SPSB4: variants seen among roughly 807,000 people sequenced by gnomAD.
The protein encoded by SPSB4 is splA/ryanodine receptor domain and SOCS box containing 4.
Under a neutral mutation model 20.9 loss-of-function variants are expected in SPSB4, and 21 were observed. The observed-to-expected ratio is 1.01, with a 90% CI of 0.71 to 1.45. The LOEUF is 1.45. SPSB4 is among the 40% of genes most tolerant of loss of function. SPSB4 has a pLI of 0.00. For missense variants in SPSB4, 399 were observed against 399.2 expected (o/e 1.00, Z 0.00); for synonymous variants, 207 against 183.8 (o/e 1.13, Z -1.02).
chr3:141,138,815 A>G (rs1409774124), intron 2 of SPSB4, among the ~76,000 whole-genome samples: 1 of 152,150 alleles, frequency 6.6e-6, no homozygotes, highest in Non-Finnish European at 1.5e-5. Flanking sequence ...TATTCTGTTG[A>G]TTTGGGGTGG....
chr3:141,084,726 C>G (rs1938309749), intron 2 of SPSB4, among the ~76,000 whole-genome samples: 1 of 152,224 alleles, frequency 6.6e-6, no homozygotes, highest in African/African-American at 2.4e-5. Flanking sequence ...GTGCTGCTAT[C>G]TCTCCCTCCT....
intron 2 of SPSB4, among the ~76,000 whole-genome samples, chr3:141,075,698 G>T (rs550327956): frequency 6.6e-6 from 1 of 151,722 alleles, no homozygotes; most frequent in Non-Finnish European, 1.5e-5. Flanking sequence ...TTATCCCCAC[G>T]CCCCACCATC....
At chr3:141,131,607 T>C (rs1471046040) in intron 2 of SPSB4, among the ~76,000 whole-genome samples, 1 of 152,208 alleles carries the variant, frequency 6.6e-6, no homozygotes, top group Non-Finnish European at 1.5e-5. Flanking sequence ...AATGTACTTT[T>C]TCTCACTCAA....
intron 1 of SPSB4, among the ~76,000 whole-genome samples, chr3:141,057,791 T>G (rs1330206941): frequency 6.6e-6 from 1 of 152,234 alleles, no homozygotes; most frequent in Non-Finnish European, 1.5e-5. Context: ...AGATCAACTG[T>G]GTACTTTTAC....
At chr3:141,054,295 C>T (rs556985930) in intron 1 of SPSB4, among the ~76,000 whole-genome samples, 6 of 152,134 alleles carry the variant, frequency 3.9e-5, no homozygotes, top group African/African-American at 9.6e-5. Flanking sequence ...AGTGGCAGGC[C>T]GTAGATGGAG....
At chr3:141,141,476 C>T (rs1432229101) in intron 2 of SPSB4, among the ~76,000 whole-genome samples, 3 of 152,152 alleles carry the variant, frequency 2.0e-5, no homozygotes, top group Non-Finnish European at 1.5e-5. Flanking sequence ...TTGGCTCCAC[C>T]CCCCCAGTTT....
intron 2 of SPSB4, among the ~76,000 whole-genome samples, chr3:141,135,419 A>G (rs1939210172): frequency 6.6e-6 from 1 of 151,856 alleles, no homozygotes; most frequent in Admixed American, 6.6e-5. Context: ...ATATGTATAC[A>G]TGTGCCATGT....
intron 2 of SPSB4, among the ~76,000 whole-genome samples, chr3:141,146,838 C>T (rs1014395086): frequency 1.3e-5 from 2 of 151,352 alleles, no homozygotes; most frequent in African/African-American, 4.9e-5. Flanking sequence ...TTTCATGAAA[C>T]AATATTTATC....
At chr3:141,094,860 C>A (rs1938519180) in intron 2 of SPSB4, among the ~76,000 whole-genome samples, 1 of 148,394 alleles carries the variant, frequency 6.7e-6, no homozygotes, top group Non-Finnish European at 1.5e-5. Flanking sequence ...CTCACCCTAT[C>A]CCTTGTGTTG....
At chr3:141,074,723 C>T (rs761906910) in intron 2 of SPSB4, among the ~76,000 whole-genome samples, 2 of 152,234 alleles carry the variant, frequency 1.3e-5, no homozygotes, top group Non-Finnish European at 1.5e-5. Flanking sequence ...AGCACCTTCA[C>T]CAGCTGTGTG....
At chr3:141,075,508 C>T (rs867034533) in intron 2 of SPSB4, among the ~76,000 whole-genome samples, 6 of 152,080 alleles carry the variant, frequency 3.9e-5, no homozygotes, top group African/African-American at 9.7e-5. Context: ...GCACTTACCC[C>T]GTAGAGTTGT....
intron 1 of SPSB4, among the ~76,000 whole-genome samples, chr3:141,054,964 CA>C (rs67391798): frequency 0.95 from 129,079 of 135,254 alleles, 61,619 homozygotes; most frequent in East Asian, 0.99. Flanking sequence ...GACTCCGTCT[CA>C]AAAAAAAAAA....
chr3:141,127,151 A>G (rs1939061941), intron 2 of SPSB4, among the ~76,000 whole-genome samples: 2 of 152,250 alleles, frequency 1.3e-5, no homozygotes. Context: ...GAGGGGGTCA[A>G]TAGTGAACAC....
At position 141,054,722 on chromosome 3, in the gene SPSB4, T is replaced by C. The variant is rs144851574; in HGVS notation, c.-154+2730T>C. Reference sequence around the variant, plus strand: ...GGTTCATGCCCGTAATCCCAGCACTTTGGGAGGCCGAGGCGGGGGGATCGC... The same window carrying C: ...GGTTCATGCCCGTAATCCCAGCACTCTGGGAGGCCGAGGCGGGGGGATCGC... On this transcript the variant is annotated intron_variant, in intron 1 of 2. Transcript: ENST00000310546. Among the ~76,000 whole-genome samples, 1,096 of 152,300 alleles carry C rather than the reference T, an allele frequency of 7.2e-3. 20 individuals carry two copies. Among genetic ancestry groups the C allele is most frequent in the African/African-American group, 0.025 (1,028 of 41,562 alleles).
chr3:141,118,337 G>T (rs1553742403), intron 2 of SPSB4, among the ~76,000 whole-genome samples: 1 of 151,994 alleles, frequency 6.6e-6, no homozygotes, highest in Admixed American at 6.5e-5. Flanking sequence ...TTTTTGATGG[G>T]GTTGTTTTTT....
intron 2 of SPSB4, among the ~76,000 whole-genome samples, chr3:141,073,511 C>T (rs1449950240): frequency 3.3e-5 from 5 of 152,238 alleles, no homozygotes; most frequent in Non-Finnish European, 7.3e-5. Flanking sequence ...TAGCCCTTTA[C>T]TTCACAGAAT....
chr3:141,100,055 T>G (rs888734723), intron 2 of SPSB4, among the ~76,000 whole-genome samples: 1 of 152,154 alleles, frequency 6.6e-6, no homozygotes, highest in African/African-American at 2.4e-5. Context: ...TGTGCTGACT[T>G]TGCACAAGTG....
chr3:141,090,535 A>C (rs1024892616), intron 2 of SPSB4, among the ~76,000 whole-genome samples: 2 of 152,188 alleles, frequency 1.3e-5, no homozygotes, highest in African/African-American at 2.4e-5. Flanking sequence ...GGAGTGAGCT[A>C]TGTGGGTATC....
intron 2 of SPSB4, among the ~76,000 whole-genome samples, chr3:141,108,243 G>C (rs775821354): frequency 6.6e-6 from 1 of 152,126 alleles, no homozygotes; most frequent in Non-Finnish European, 1.5e-5. Context: ...CAGAGAGGCA[G>C]CCAAGGTGAA....
Sources: gnomAD v4.1 joint callset for allele counts (sites outside exome capture counted in the v4.1 genomes callset) on GRCh38, gnomAD v4.1.1 for gene constraint, MANE v1.5 for transcripts, NCBI Gene and HGNC (gene_info 2026-07-23, HGNC 2026-07-21) for gene names.